Variants in MTUS2 observed in about 807,000 individuals in gnomAD.
The protein encoded by MTUS2 is microtubule-associated tumor suppressor candidate 2.
Under a neutral mutation model 114.1 loss-of-function variants are expected in MTUS2, and 40 were observed. That is an observed-to-expected ratio of 0.35 (90% CI 0.27 to 0.46). The LOEUF is 0.46. Among genes scored for constraint, MTUS2 ranks in the 20% least tolerant of loss-of-function variants. The pLI, the probability that MTUS2 is intolerant of heterozygous loss-of-function variation, is 1.00. For missense variants in MTUS2, 1,679 were observed against 1,705.4 expected, an observed-to-expected ratio of 0.98 and a Z score of 0.27; for synonymous variants, 688 against 672.0, an observed-to-expected ratio of 1.02 and a Z score of -0.37.
At chr13:29,340,340 A>T (rs1901329892) in intron 7 of MTUS2, among the ~76,000 whole-genome samples, 1 of 152,248 alleles carries the variant, frequency 6.6e-6, no homozygotes, top group Admixed American at 6.5e-5. Flanking sequence ...AAAACTGCAG[A>T]TGCCTGTTGA....
rs543073620 is a variant in MTUS2, at chr13:29,124,804, A to G, written c.2644+23834A>G. Among the ~76,000 whole-genome samples, 15 of 152,354 alleles carry G rather than the reference A, an allele frequency of 9.8e-5. No individual in the cohort carries two copies. In the East Asian group the frequency reaches 1.3e-3, roughly 14 times the overall value. ...TACAACATGGGTGAACCTTGAGTAC[A>G]TTGTGCTGAGTGAAATAAGCCAGAC... On this transcript the variant is annotated intron_variant, in intron 5 of 15. Transcript: ENST00000612955.
intron 4 of MTUS2, among the ~76,000 whole-genome samples, chr13:29,056,160 C>T (rs926902371): frequency 2.0e-5 from 3 of 151,720 alleles, no homozygotes; most frequent in African/African-American, 4.8e-5. Flanking sequence ...GGCATTTCCT[C>T]CTATGTCCAG....
rs1000422523 is a variant in MTUS2, at chr13:28,874,806, TGA to T, written c.-243+34958_-243+34959del. ...AGTCATGGATCATTGTGAATAATCT[TGA>T]GGGTTGGCTGCCACATAAGTTATCC... On this transcript the variant is annotated intron_variant, in intron 2 of 15. Transcript: ENST00000612955. Among the ~76,000 whole-genome samples the T allele has an allele frequency of 7.9e-5, 12 of 152,324 alleles. No individual in the cohort carries two copies. The East Asian group carries it at 1.5e-3, about 20-fold the overall frequency.
chr13:29,452,576 G>A (rs11147387), intron 9 of MTUS2, among the ~76,000 whole-genome samples: 516 of 3,402 alleles, frequency 0.15, 1 homozygote, highest in Middle Eastern at 0.25. Context: ...ATATATATAT[G>A]TGTGTGTGTG....
intron 8 of MTUS2, among the ~76,000 whole-genome samples, chr13:29,406,423 C>T (rs1224017520): frequency 6.6e-6 from 1 of 152,196 alleles, no homozygotes; most frequent in African/African-American, 2.4e-5. Flanking sequence ...TGGCAGACCT[C>T]AGATCCTTGC....
chr13:28,943,514 G>A (rs1315385413), intron 2 of MTUS2, among the ~76,000 whole-genome samples: 6 of 152,200 alleles, frequency 3.9e-5, no homozygotes, highest in Admixed American at 2.6e-4. Context: ...TAGACTGCAC[G>A]TTTACAGAAC....
At chr13:29,133,890 C>T (rs1389594857) in intron 5 of MTUS2, among the ~76,000 whole-genome samples, 1 of 152,140 alleles carries the variant, frequency 6.6e-6, no homozygotes, top group Non-Finnish European at 1.5e-5. Flanking sequence ...CCTTCCTGTA[C>T]TCTGCTCTAC....
At chr13:28,825,483 G>A (rs1006104506) in intron 1 of MTUS2, among the ~76,000 whole-genome samples, 1 of 152,180 alleles carries the variant, frequency 6.6e-6, no homozygotes, top group African/African-American at 2.4e-5. Flanking sequence ...GGGAACTGGG[G>A]TTGGTTAGGG....
intron 5 of MTUS2, among the ~76,000 whole-genome samples, chr13:29,145,519 C>CA (rs886251012): frequency 1.3e-4 from 20 of 151,068 alleles, no homozygotes; most frequent in South Asian, 6.3e-4. Flanking sequence ...GACTCCATCT[C>CA]AAAAAAAAAT....
chr13:29,137,421 A>G (rs1053821818), intron 5 of MTUS2, among the ~76,000 whole-genome samples: 1 of 151,212 alleles, frequency 6.6e-6, no homozygotes, highest in African/African-American at 2.4e-5. Flanking sequence ...TTTGGCCATT[A>G]TTTCTTCATA....
intron 7 of MTUS2, among the ~76,000 whole-genome samples, chr13:29,325,104 T>G (rs1372342295): frequency 1.3e-5 from 2 of 152,220 alleles, no homozygotes; most frequent in African/African-American, 4.8e-5. Context: ...AACCATTTAT[T>G]TGCATTCAGA....
intron 5 of MTUS2, among the ~76,000 whole-genome samples, chr13:29,261,515 A>G (rs1184683756): frequency 1.3e-5 from 2 of 152,230 alleles, no homozygotes; most frequent in African/African-American, 4.8e-5. Flanking sequence ...CTTCAATATA[A>G]CTAATCAGAT....
At chr13:29,143,131 G>A (rs1372125780) in intron 5 of MTUS2, among the ~76,000 whole-genome samples, 2 of 152,162 alleles carry the variant, frequency 1.3e-5, no homozygotes, top group Non-Finnish European at 2.9e-5. Context: ...GCTTAGCAAG[G>A]CATTCTCTAA....
intron 5 of MTUS2, among the ~76,000 whole-genome samples, chr13:29,147,489 G>T (rs1340932402): frequency 6.6e-6 from 1 of 152,096 alleles, no homozygotes; most frequent in African/African-American, 2.4e-5. Flanking sequence ...TGTTACATGG[G>T]TATATTATGT....
chr13:29,224,077 TG>T (rs1896012175), intron 5 of MTUS2, among the ~76,000 whole-genome samples: 1 of 152,172 alleles, frequency 6.6e-6, no homozygotes, highest in African/African-American at 2.4e-5. Flanking sequence ...TTGGCAGGAA[TG>T]GGATCCAGGC....
chr13:29,024,739 A>C lies in MTUS2; in HGVS notation c.41A>C (p.Gln14Pro). ...PVAPKKSCYTQLRDNRNAARN... is the reference protein window; with the variant it reads ...PVAPKKSCYTPLRDNRNAARN... ...GCTCCTAAGAAATCATGTTACACTCAGTTGCGGGACAACAGAAATGCAGCA... is the reference window on the plus strand; with the variant it reads ...GCTCCTAAGAAATCATGTTACACTCCGTTGCGGGACAACAGAAATGCAGCA... Residue 14 changes from glutamine (Q) to proline (P), a missense_variant, in exon 3 of 16, where the codon CAG (glutamine) becomes CCG (proline). Around this residue, in one of 3 missense-constraint regions of MTUS2, gnomAD observed 843 missense variants for 770.8 expected, o/e 1.09. Transcript: ENST00000612955. The C allele has an allele frequency of 6.2e-7, 1 of 1,614,036 alleles. No homozygotes were observed. The highest frequency in any genetic ancestry group is 1.1e-5 in the South Asian group (1 of 91,082).
intron 5 of MTUS2, among the ~76,000 whole-genome samples, chr13:29,217,240 GTATTA>G (rs1895717928): frequency 1.3e-5 from 2 of 151,918 alleles, no homozygotes; most frequent in African/African-American, 2.4e-5. Context: ...TACAGCAATG[GTATTA>G]TATTCTGTGA....
intron 1 of MTUS2, among the ~76,000 whole-genome samples, chr13:28,832,216 A>G (rs920170561): frequency 2.0e-5 from 3 of 152,196 alleles, no homozygotes; most frequent in South Asian, 2.1e-4. Context: ...CAGAATATAC[A>G]TTGTTCTTAA....
chr13:28,899,163 T>G (rs1456388637), intron 2 of MTUS2, among the ~76,000 whole-genome samples: 2 of 152,192 alleles, frequency 1.3e-5, no homozygotes, highest in African/African-American at 4.8e-5. Context: ...TCACGTACCG[T>G]TTTCCTCAAT....
Sources: allele counts gnomAD v4.1 joint callset (sites outside exome capture counted in the v4.1 genomes callset), GRCh38; gene constraint gnomAD v4.1.1; regional missense constraint gnomAD v4.1.1; transcripts MANE v1.5; gene names NCBI Gene and HGNC (gene_info 2026-07-23, HGNC 2026-07-21).